The following CACNA2D2 variants were observed in gnomAD, a reference collection of about 807,000 sequenced individuals.
The protein encoded by CACNA2D2 is voltage-dependent calcium channel subunit alpha-2/delta-2.
In CACNA2D2, 48 loss-of-function variants were observed where a neutral mutation model predicts 166.4. The observed-to-expected ratio is 0.29, with a 90% CI of 0.23 to 0.37. CACNA2D2 has a LOEUF of 0.37. CACNA2D2 is among the 10% of genes least tolerant of loss of function. The pLI, the probability that CACNA2D2 is intolerant of heterozygous loss-of-function variation, is 1.00. For synonymous variants in CACNA2D2, 561 were observed against 573.7 expected, an observed-to-expected ratio of 0.98 and a Z score of 0.32; for missense variants, 1,122 against 1,433.0, an observed-to-expected ratio of 0.78 and a Z score of 3.50.
chr3:50,436,209 C>T (rs575830696), intron 2 of CACNA2D2, among the ~76,000 whole-genome samples: 5 of 152,088 alleles, frequency 3.3e-5, no homozygotes, highest in Non-Finnish European at 7.4e-5. Flanking sequence ...CCACATCCAC[C>T]GATGCCTCTG....
chr3:50,403,296 C>A lies in CACNA2D2; in HGVS notation c.406-9128G>T, dbSNP rs543643325. On this transcript the variant is annotated intron_variant, in intron 3 of 37. Coordinates refer to ENST00000424201, the MANE Select transcript of CACNA2D2 (RefSeq NM_006030.4). The stretch of plus-strand genomic sequence containing the variant: ...ACTCCAGGTTCTGGGTTGCTCCTTC[C>A]CTTACCTCACTCCAGGGGCCTCCTG... Among the ~76,000 whole-genome samples, 38 of 151,924 alleles carry A rather than the reference C, an allele frequency of 2.5e-4. No individual in the cohort carries two copies. In the East Asian group the frequency reaches 6.8e-3, roughly 27 times the overall value.
intron 23 of CACNA2D2, among the ~76,000 whole-genome samples, chr3:50,368,861 G>A (rs1177161800): frequency 1.3e-5 from 2 of 152,240 alleles, no homozygotes; most frequent in Admixed American, 6.5e-5. Flanking sequence ...GCTGTGGGGC[G>A]TGAGGGGGTC....
At chr3:50,449,914 A>G (rs914278721) in intron 2 of CACNA2D2, among the ~76,000 whole-genome samples, 3 of 152,120 alleles carry the variant, frequency 2.0e-5, no homozygotes, top group Non-Finnish European at 4.4e-5. Flanking sequence ...TCTCCCACAC[A>G]ATGACAGGAC....
In CACNA2D2 at chr3:50,379,295, T is replaced by C; in HGVS notation, c.1153-96A>G. 3 of 1,440,058 alleles carry C rather than the reference T, an allele frequency of 2.1e-6. No homozygotes were observed. Among genetic ancestry groups the C allele is most frequent in the Admixed American group, 1.8e-5 (1 of 55,736 alleles). 89.2% of individuals were successfully genotyped at this position (1,440,058 alleles called of 1,614,324 possible). A position where few individuals can be genotyped will look rare whatever the true frequency, so the allele number is the denominator to read the frequency against. ...AGTGGGCCTGGACCTCTGGCCCTCCTCCCCCACAGCAGATGGAGCTATCTG... is the reference window on the plus strand; with the variant it reads ...AGTGGGCCTGGACCTCTGGCCCTCCCCCCCCACAGCAGATGGAGCTATCTG... On this transcript the variant is annotated intron_variant, in intron 11 of 37. Transcript: ENST00000424201. This position sits in a 1 kb window ranked among gnomAD's most constrained non-coding sequence, Gnocchi z 6.5.
In CACNA2D2 at chr3:50,364,566, G is replaced by A; in HGVS notation, c.*100C>T. On this transcript the variant is annotated 3_prime_UTR_variant, in exon 38 of 38. Coordinates refer to ENST00000424201, the MANE Select transcript of CACNA2D2 (RefSeq NM_006030.4). ...CTGGCCAGCTCAGGTCCTTCAGTGA[G>A]GGAGGGACGAGGCTCTAAGGCGGGG... The A allele has an allele frequency of 7.4e-7, 1 of 1,354,460 alleles. No homozygotes were observed. The highest frequency in any genetic ancestry group is 9.8e-7 in the Non-Finnish European group (1 of 1,024,214). 83.9% of individuals were successfully genotyped at this position (1,354,460 alleles called of 1,614,324 possible).
chr3:50,370,776 C>T (rs1380897180), intron 22 of CACNA2D2, among the ~76,000 whole-genome samples: 1 of 152,110 alleles, frequency 6.6e-6, no homozygotes, highest in Non-Finnish European at 1.5e-5. Flanking sequence ...CAGTCTCGCT[C>T]TTATCACATC....
At chr3:50,410,802 G>A (rs1015522552) in intron 3 of CACNA2D2, among the ~76,000 whole-genome samples, 2 of 152,224 alleles carry the variant, frequency 1.3e-5, no homozygotes, top group Non-Finnish European at 2.9e-5. Context: ...GAGTGGGTGA[G>A]GAGGTTTCTT....
chr3:50,389,045 A>G (rs1183679686), intron 4 of CACNA2D2, among the ~76,000 whole-genome samples: 2 of 152,218 alleles, frequency 1.3e-5, no homozygotes. Flanking sequence ...GAGAGCAGGG[A>G]GAAGAAAGCC....
chr3:50,468,671 G>C (rs1709937791), intron 2 of CACNA2D2, among the ~76,000 whole-genome samples: 1 of 151,926 alleles, frequency 6.6e-6, no homozygotes, highest in Non-Finnish European at 1.5e-5. Flanking sequence ...GAGATCCTGA[G>C]AGATTCCACC....
Position 50,365,743 on chromosome 3 carries a change from C to A in CACNA2D2, c.2916-55G>T. 1 of 1,607,502 alleles carries A rather than the reference C, an allele frequency of 6.2e-7. No homozygotes were observed. On this transcript the variant is annotated intron_variant, in intron 33 of 37. Transcript: ENST00000424201. The surrounding 1 kb of genome is among the most constrained non-coding windows in gnomAD (Gnocchi z 4.5). Reference sequence around the variant, plus strand: ...GGTCAGCAGAGGACGATGCCATGCCCTACTTCTCTTCTGAGCCCTCCCGGC... The same window carrying A: ...GGTCAGCAGAGGACGATGCCATGCCATACTTCTCTTCTGAGCCCTCCCGGC...
chr3:50,372,673 AC>A (rs1471922517), intron 22 of CACNA2D2, among the ~76,000 whole-genome samples: 1 of 151,650 alleles, frequency 6.6e-6, no homozygotes, highest in Admixed American at 6.6e-5. Flanking sequence ...GGGCTGATCT[AC>A]CCCCTGCATC....
At chr3:50,503,801 G>T (rs559523696), upstream of CACNA2D2, among the ~76,000 whole-genome samples, 2 of 151,266 alleles carry the variant, frequency 1.3e-5, no homozygotes, top group Non-Finnish European at 3.0e-5. Context: ...TCCCCGCGCA[G>T]CCCGAATCCT....
intron 2 of CACNA2D2, among the ~76,000 whole-genome samples, chr3:50,458,214 C>T (rs765353133): frequency 6.6e-6 from 1 of 152,252 alleles, no homozygotes; most frequent in Non-Finnish European, 1.5e-5. Flanking sequence ...TCCCACTGCG[C>T]AGATGGGGAA....
At chr3:50,488,876 A>G (rs767462466) in intron 1 of CACNA2D2, among the ~76,000 whole-genome samples, 3 of 151,430 alleles carry the variant, frequency 2.0e-5, no homozygotes, top group Admixed American at 6.6e-5. Flanking sequence ...ATTTTTTTGT[A>G]TTTTTAGTAG....
intron 23 of CACNA2D2, 130 bp downstream of exon 23, chr3:50,370,190 G>A (rs1303613038): frequency 1.4e-5 from 10 of 691,056 alleles, no homozygotes; most frequent in Middle Eastern, 2.5e-4. Context: ...CATACCGGGC[G>A]ATGTATGGGG....
At chr3:50,491,539 A>G (rs1698522026) in intron 1 of CACNA2D2, among the ~76,000 whole-genome samples, 1 of 152,156 alleles carries the variant, frequency 6.6e-6, no homozygotes, top group South Asian at 2.1e-4. Flanking sequence ...CCAGGGGGTG[A>G]GGTGGGCATG....
intron 2 of CACNA2D2, among the ~76,000 whole-genome samples, chr3:50,441,604 A>G (rs921070698): frequency 1.8e-4 from 28 of 152,238 alleles, no homozygotes; most frequent in Non-Finnish European, 3.2e-4. Flanking sequence ...CCCCCAGGCA[A>G]GGCACCACCC....
intron 2 of CACNA2D2, among the ~76,000 whole-genome samples, chr3:50,474,414 G>A (rs985864355): frequency 6.6e-6 from 1 of 152,172 alleles, no homozygotes; most frequent in Admixed American, 6.5e-5. Flanking sequence ...GAGGATCAGA[G>A]AGGATCCAGG....
At chr3:50,374,502 C>G (rs1277231391) in intron 22 of CACNA2D2, among the ~76,000 whole-genome samples, 1 of 151,890 alleles carries the variant, frequency 6.6e-6, no homozygotes, top group East Asian at 1.9e-4. Context: ...AAACCAAAAA[C>G]AGCAACCTCA....
Sources: allele counts gnomAD v4.1 joint callset (sites outside exome capture counted in the v4.1 genomes callset), GRCh38; gene constraint gnomAD v4.1.1; non-coding constraint Gnocchi (gnomAD v3.1); transcripts MANE v1.5; gene names NCBI Gene and HGNC (gene_info 2026-07-23, HGNC 2026-07-21).